Variants in GOPC observed in about 807,000 individuals in gnomAD.
GOPC encodes golgi associated PDZ and coiled-coil motif containing.
Under a neutral mutation model 51.2 loss-of-function variants are expected in GOPC, and 32 were observed. The ratio of observed to expected loss-of-function variants is 0.63; its 90% CI spans 0.47 to 0.84. GOPC has a LOEUF of 0.84. Among genes scored for constraint, GOPC ranks in the 40% least tolerant of loss-of-function variants. The pLI is 0.00. For missense variants in GOPC, 441 were observed against 555.5 expected (o/e 0.79, Z 2.07); for synonymous variants, 190 against 205.1 (o/e 0.93, Z 0.63).
intron 7 of GOPC, 106 bp downstream of exon 7, chr6:117,569,466 G>A: frequency 7.0e-7 from 1 of 1,419,070 alleles, no homozygotes; most frequent in Non-Finnish European, 9.5e-7. Context: ...CAAGAACTAT[G>A]TGTAAACACT....
chr6:117,571,919 A>T (rs1008107646), intron 5 of GOPC, among the ~76,000 whole-genome samples: 2 of 151,986 alleles, frequency 1.3e-5, no homozygotes, highest in Non-Finnish European at 2.9e-5. Flanking sequence ...TCCTTTAGTG[A>T]TCCTTTTCCT....
At chr6:117,601,922 T>C in intron 1 of GOPC, 82 bp downstream of exon 1, 1 of 1,475,168 alleles carries the variant, frequency 6.8e-7, no homozygotes, top group Middle Eastern at 1.9e-4. Context: ...TCTAGGGTCG[T>C]TTCACTGGAG....
intron 1 of GOPC, among the ~76,000 whole-genome samples, chr6:117,583,104 C>G (rs929180041): frequency 6.6e-6 from 1 of 152,092 alleles, no homozygotes; most frequent in Non-Finnish European, 1.5e-5. Context: ...GTTCCTACAC[C>G]TGCTTGCCTA....
chr6:117,578,067 T>C (rs1413728393), intron 2 of GOPC, among the ~76,000 whole-genome samples: 1 of 152,134 alleles, frequency 6.6e-6, no homozygotes, highest in Non-Finnish European at 1.5e-5. Context: ...GAACAAAATA[T>C]CTGCTATCTC....
chr6:117,581,052 G>A (rs771983919), intron 1 of GOPC, among the ~76,000 whole-genome samples: 1 of 152,124 alleles, frequency 6.6e-6, no homozygotes, highest in Admixed American at 6.5e-5. Context: ...ATAAATTTAA[G>A]TTTTAGGCAT....
At position 117,569,798 on chromosome 6, in the gene GOPC, C is replaced by A; in HGVS notation, c.913-62G>T. 8 of 1,444,244 alleles carry A rather than the reference C, an allele frequency of 5.5e-6. 1 individual carries two copies. In the Middle Eastern group the frequency reaches 5.5e-4, roughly 99 times the overall value. The allele number at this position is 1,444,244 out of a possible 1,614,324, so 89.5% of individuals were successfully genotyped here. ...TTGTAAGGTACAGTTACCGATTAAT[C>A]TAGAGATAAAATATTTTCTTAAAAA... On this transcript the variant is annotated intron_variant, in intron 6 of 8. Transcript: ENST00000368498.
intron 8 of GOPC, among the ~76,000 whole-genome samples, chr6:117,564,575 C>T (rs1344675566): frequency 6.6e-6 from 1 of 151,988 alleles, no homozygotes; most frequent in African/African-American, 2.4e-5. Context: ...AAAGTATAGA[C>T]GTGTGAAACA....
At chr6:117,575,521 G>T in intron 3 of GOPC, 169 bp from the exon 4 acceptor site, 1 of 765,132 alleles carries the variant, frequency 1.3e-6, no homozygotes, top group Non-Finnish European at 2.4e-6. Flanking sequence ...TAACATCTTG[G>T]AACTACTTCT....
At position 117,570,424 on chromosome 6, in the gene GOPC, T is replaced by C. The variant is rs374408597; in HGVS notation, c.912+436A>G. Among the ~76,000 whole-genome samples, 24 of 151,778 alleles carry C rather than the reference T, an allele frequency of 1.6e-4. 1 individual carries two copies. The highest frequency in any genetic ancestry group is 1.2e-3 in the East Asian group (6 of 5,144). On this transcript the variant is annotated intron_variant, in intron 6 of 8. Transcript: ENST00000368498. ...GACAACAAAATGACTCCTAAAGGCA[T>C]CGAATTTAAAAAAAAGAATATATAA...
chr6:117,580,875 G>T (rs1281153216), intron 1 of GOPC, among the ~76,000 whole-genome samples: 2 of 152,124 alleles, frequency 1.3e-5, no homozygotes, highest in Non-Finnish European at 2.9e-5. Context: ...ATGCTGAAAA[G>T]AAATCGTTAG....
chr6:117,590,998 A>G (rs1279513154), intron 1 of GOPC, among the ~76,000 whole-genome samples: 2 of 152,138 alleles, frequency 1.3e-5, no homozygotes, highest in Admixed American at 1.3e-4. Flanking sequence ...GATTACAGGC[A>G]TGCGCCACCA....
rs550698430 is a variant in GOPC, at chr6:117,593,100, C to G, written c.285+8904G>C. Among the ~76,000 whole-genome samples, 23 of 152,280 alleles carry G rather than the reference C, an allele frequency of 1.5e-4. No individual in the cohort carries two copies. The South Asian group carries it at 4.8e-3, about 32-fold the overall frequency. Reference sequence around the variant, plus strand: ...TGCACCATAATTTATGATAACTAACCCCAAGCCATTCCTCAACAATGCCTG... The same window carrying G: ...TGCACCATAATTTATGATAACTAACGCCAAGCCATTCCTCAACAATGCCTG... On this transcript the variant is annotated intron_variant, in intron 1 of 8. Transcript: ENST00000368498.
chr6:117,577,853 C>T (rs1779905289), intron 2 of GOPC, among the ~76,000 whole-genome samples: 1 of 152,006 alleles, frequency 6.6e-6, no homozygotes, highest in Admixed American at 6.6e-5. Context: ...CACAGATTCA[C>T]AGAGTTAGAA....
chr6:117,573,470 G>A lies in GOPC; in HGVS notation c.813C>T (p.Gly271=), dbSNP rs1562140534. Residue 271 remains glycine (G), a synonymous_variant, in exon 5 of 9, where the codon GGC becomes GGT. Transcript: ENST00000368498. ...AGCAGCAGCAAAGCAAACATACATG[G>A]CCTGGTGGTGCTTGCATTGGTCGTT... is the stretch of plus-strand genomic sequence containing the variant. The part of the protein sequence containing the change: ...DLKRPMQAPP[G]HDQDSLKKSQ... 2.5e-6 allele frequency: 4 copies of A among 1,612,832 alleles called. No individual in the cohort carries two copies. The highest frequency in any genetic ancestry group is 3.4e-6 in the Non-Finnish European group (4 of 1,179,322).
Position 117,602,115 on chromosome 6 carries a change from G to A in GOPC, c.174C>T (p.Asp58=), listed in dbSNP as rs1772025061. The change falls in exon 1 of 9, where the codon GAC becomes GAT. Residue 58 remains aspartate (D), a synonymous_variant. Coordinates refer to ENST00000368498, the MANE Select transcript of GOPC (RefSeq NM_020399.4). Reference sequence around the variant, plus strand: ...GCCCCTCATAAGTGATGTCCGCTTGGTCTGGATCGATCTCTCCCAGGAGCA... The same window carrying A: ...GCCCCTCATAAGTGATGTCCGCTTGATCTGGATCGATCTCTCCCAGGAGCA... ...VDLLLGEIDP[D]QADITYEGRQ... 1 of 1,614,012 alleles carries A rather than the reference G, an allele frequency of 6.2e-7. No individual in the cohort carries two copies. The highest frequency in any genetic ancestry group is 1.7e-5 in the Admixed American group (1 of 60,000).
At chr6:117,575,732 C>A (rs1583055596) in intron 3 of GOPC, among the ~76,000 whole-genome samples, 1 of 152,090 alleles carries the variant, frequency 6.6e-6, no homozygotes, top group African/African-American at 2.4e-5. Flanking sequence ...ATCAAAAAAA[C>A]CACGTAAACA....
chr6:117,569,280 G>A (rs145235330), intron 7 of GOPC, among the ~76,000 whole-genome samples: 96 of 152,256 alleles, frequency 6.3e-4, no homozygotes, highest in African/African-American at 2.2e-3. Flanking sequence ...TACTTTATAT[G>A]TATTAACATA....
intron 3 of GOPC, among the ~76,000 whole-genome samples, chr6:117,576,695 T>C (rs1164159910): frequency 1.3e-5 from 2 of 152,090 alleles, no homozygotes; most frequent in Admixed American, 6.6e-5. Context: ...TGACAAACTC[T>C]TGGGCCCGAA....
At chr6:117,564,728 G>C (rs922164209) in intron 8 of GOPC, among the ~76,000 whole-genome samples, 2 of 152,136 alleles carry the variant, frequency 1.3e-5, no homozygotes, top group African/African-American at 2.4e-5. Context: ...AAAAGGAAGA[G>C]ACAGGCTTTC....
Sources: allele counts gnomAD v4.1 joint callset (sites outside exome capture counted in the v4.1 genomes callset), GRCh38; gene constraint gnomAD v4.1.1; transcripts MANE v1.5; gene names NCBI Gene and HGNC (gene_info 2026-07-23, HGNC 2026-07-21).